Variants in FBXO11 observed in about 807,000 individuals in gnomAD.
FBXO11 encodes the protein F-box protein 11.
FBXO11 carries 13 observed loss-of-function variants against 117.0 expected under a neutral mutation model. That is an observed-to-expected ratio of 0.11 (90% CI 0.07 to 0.18). The LOEUF (loss-of-function observed/expected upper bound fraction) is 0.18. Ranked by LOEUF, FBXO11 falls within the 10% of genes least tolerant of loss-of-function variation. FBXO11 has a pLI of 1.00. For missense variants in FBXO11, 767 were observed against 1,164.4 expected (o/e 0.66, Z 4.97); for synonymous variants, 490 against 380.5 (o/e 1.29, Z -3.35).
chr2:47,845,310 A>C (rs1267909899), intron 1 of FBXO11, among the ~76,000 whole-genome samples: 1 of 152,348 alleles, frequency 6.6e-6, no homozygotes, highest in Non-Finnish European at 1.5e-5. Context: ...ACATGATTTA[A>C]GTCATGAATA....
chr2:47,881,679 G>C (rs1441617464), intron 1 of FBXO11, among the ~76,000 whole-genome samples: 3 of 151,918 alleles, frequency 2.0e-5, no homozygotes, highest in Non-Finnish European at 4.4e-5. Flanking sequence ...AATTTTATTA[G>C]TTTGATCATT....
chr2:47,905,575 G>C lies in FBXO11; in HGVS notation c.146C>G (p.Pro49Arg), dbSNP rs1257345739. ...AGGCTGCTGCTGCTGCTGCTGCTGC[G>C]GCGGCGGCGGAGGCTGCTGCTGGGG... ...QPPQQQPPPP[P>R]QQQQQQQPPP... The change falls in exon 1 of 23, where the codon CCG becomes CGG. Residue 49 changes from proline (P) to arginine (R), a missense_variant. By Grantham distance (103) the Pro-to-Arg change is moderately radical (BLOSUM62 -2). Transcript: ENST00000403359. The C allele has an allele frequency of 4.1e-6, 5 of 1,217,820 alleles. No homozygotes were observed. The highest frequency in any genetic ancestry group is 4.1e-6 in the Non-Finnish European group (4 of 971,520). The allele number at this position is 1,217,820 out of a possible 1,614,324, so 75.4% of individuals were successfully genotyped here.
intron 11 of FBXO11, among the ~76,000 whole-genome samples, chr2:47,823,822 T>C (rs577611962): frequency 7.0e-4 from 107 of 151,864 alleles, no homozygotes; most frequent in African/African-American, 2.5e-3. Flanking sequence ...GTAATGATCA[T>C]GGAAAGAAAA....
chr2:47,833,213 G>C lies in FBXO11; in HGVS notation c.935-143C>G, dbSNP rs1414614040. On this transcript the variant is annotated intron_variant, in intron 7 of 22. Coordinates refer to ENST00000403359, the MANE Select transcript of FBXO11 (RefSeq NM_001190274.2). ...ATCAGTTAACTATGTTTCATCATCA[G>C]CCTTTGCTATATTCAAATCCATGCA... 6 of 612,334 alleles carry C rather than the reference G, an allele frequency of 9.8e-6. No individual in the cohort carries two copies. The East Asian group carries it at 1.6e-4, about 17-fold the overall frequency. The allele number at this position is 612,334 out of a possible 1,614,324, so 37.9% of individuals were successfully genotyped here.
intron 1 of FBXO11, among the ~76,000 whole-genome samples, chr2:47,883,104 T>C (rs1238750537): frequency 1.3e-5 from 2 of 152,232 alleles, no homozygotes; most frequent in East Asian, 1.9e-4. Context: ...AAAAAATAGA[T>C]GGTGAAATGC....
intron 11 of FBXO11, among the ~76,000 whole-genome samples, chr2:47,824,990 C>A (rs376289993): frequency 1.3e-5 from 2 of 152,100 alleles, no homozygotes; most frequent in Admixed American, 1.3e-4. Context: ...TTATATATGT[C>A]CATTTCTACC....
chr2:47,833,471 T>G (rs990582624), intron 7 of FBXO11, among the ~76,000 whole-genome samples: 1 of 152,092 alleles, frequency 6.6e-6, no homozygotes, highest in African/African-American at 2.4e-5. Context: ...CAGACAAACA[T>G]TTGCTCTAAT....
intron 3 of FBXO11, 61 bp downstream of exon 3, chr2:47,839,358 G>T: frequency 1.4e-6 from 2 of 1,444,012 alleles, no homozygotes; most frequent in Non-Finnish European, 9.5e-7. Context: ...TCATTTTTTG[G>T]TATCAAGCAA....
chr2:47,833,319 GA>G, intron 7 of FBXO11, among the ~76,000 whole-genome samples: 1 of 152,070 alleles, frequency 6.6e-6, no homozygotes, highest in Admixed American at 6.6e-5. Flanking sequence ...GTTTCTTGTG[GA>G]AACAAAAACA....
chr2:47,849,833 C>T (rs2103634282), intron 1 of FBXO11, among the ~76,000 whole-genome samples: 1 of 152,246 alleles, frequency 6.6e-6, no homozygotes. Context: ...GCCAGCTGCT[C>T]CATATGTATG....
At chr2:47,862,173 G>A (rs1033708525) in intron 1 of FBXO11, among the ~76,000 whole-genome samples, 3 of 152,058 alleles carry the variant, frequency 2.0e-5, no homozygotes, top group African/African-American at 4.8e-5. Flanking sequence ...TGCCTGTTTC[G>A]GCCTCCCAAA....
chr2:47,839,845 A>G, intron 1 of FBXO11, 76 bp from the exon 2 acceptor site: 1 of 1,398,070 alleles, frequency 7.2e-7, no homozygotes, highest in Non-Finnish European at 9.7e-7. Context: ...AACTTTCTTA[A>G]AACTTCAAAT....
intron 1 of FBXO11, among the ~76,000 whole-genome samples, chr2:47,876,325 T>C (rs972515641): frequency 3.9e-5 from 6 of 152,252 alleles, no homozygotes; most frequent in African/African-American, 1.4e-4. Flanking sequence ...CTCAACTTGA[T>C]TTATCAAATA....
At chr2:47,826,110 G>A (rs1671736859) in intron 11 of FBXO11, among the ~76,000 whole-genome samples, 1 of 152,108 alleles carries the variant, frequency 6.6e-6, no homozygotes, top group Non-Finnish European at 1.5e-5. Flanking sequence ...CCAGGCTTGA[G>A]TGCAGTGGCA....
intron 1 of FBXO11, among the ~76,000 whole-genome samples, chr2:47,880,963 G>C (rs774895245): frequency 6.6e-6 from 1 of 151,898 alleles, no homozygotes; most frequent in African/African-American, 2.4e-5. Flanking sequence ...TTTTAAGAAA[G>C]GCATGTTTGG....
intron 1 of FBXO11, among the ~76,000 whole-genome samples, chr2:47,872,457 G>A (rs1045002733): frequency 1.3e-4 from 20 of 152,142 alleles, no homozygotes; most frequent in African/African-American, 4.8e-4. Flanking sequence ...CCCAGCAGCT[G>A]GGACTACAGG....
At chr2:47,824,268 G>C (rs993959191) in intron 11 of FBXO11, among the ~76,000 whole-genome samples, 4 of 152,166 alleles carry the variant, frequency 2.6e-5, no homozygotes, top group Non-Finnish European at 5.9e-5. Context: ...AGGGAGGACT[G>C]CTTGAGCCCT....
At chr2:47,848,578 G>A (rs905446813) in intron 1 of FBXO11, among the ~76,000 whole-genome samples, 6 of 152,040 alleles carry the variant, frequency 3.9e-5, no homozygotes, top group African/African-American at 1.2e-4. Flanking sequence ...TATGCTATTT[G>A]CACACACATA....
At chr2:47,899,422 C>A (rs536322515) in intron 1 of FBXO11, among the ~76,000 whole-genome samples, 76 of 152,094 alleles carry the variant, frequency 5.0e-4, no homozygotes, top group African/African-American at 1.8e-3. Flanking sequence ...TTTAAAAGAC[C>A]TATCATTTAT....
Sources: gnomAD v4.1 joint callset for allele counts (sites outside exome capture counted in the v4.1 genomes callset) on GRCh38, gnomAD v4.1.1 for gene constraint, MANE v1.5 for transcripts, NCBI Gene and HGNC (gene_info 2026-07-23, HGNC 2026-07-21) for gene names.